The following IPP variants were observed in gnomAD, a reference collection of about 807,000 sequenced individuals.
IPP encodes intracisternal A particle-promoted polypeptide, also known as actin-binding protein IPP.
In IPP, 41 loss-of-function variants were observed where a neutral mutation model predicts 64.1. That is an observed-to-expected ratio of 0.64 (90% CI 0.50 to 0.83). The LOEUF is 0.83. Ranked by LOEUF, IPP falls within the 40% of genes least tolerant of loss-of-function variation. The pLI is 0.00. For missense variants in IPP, 649 were observed against 703.0 expected, an observed-to-expected ratio of 0.92 and a Z score of 0.87; for synonymous variants, 214 against 235.2, an observed-to-expected ratio of 0.91 and a Z score of 0.83.
chr1:45,709,809 G>T, intron 8 of IPP, among the ~76,000 whole-genome samples: 1 of 25,548 alleles, frequency 3.9e-5, no homozygotes, highest in South Asian at 1.9e-3. Flanking sequence ...CCTGGCGAAA[G>T]AGAGCAAGAC....
chr1:45,705,658 T>C (rs1353753500), intron 8 of IPP, among the ~76,000 whole-genome samples: 1 of 151,934 alleles, frequency 6.6e-6, no homozygotes, highest in Non-Finnish European at 1.5e-5. Context: ...ATACAAAAAT[T>C]AGCTGGGCGT....
In IPP at chr1:45,699,022, C is replaced by G. The variant is rs1398367289; in HGVS notation, c.*944G>C. 3 of 985,186 alleles carry G rather than the reference C, an allele frequency of 3.0e-6. No individual in the cohort carries two copies. In the East Asian group the frequency reaches 3.4e-4, roughly 112 times the overall value. 61.0% of individuals were successfully genotyped at this position (985,186 alleles called of 1,614,324 possible). On this transcript the variant is annotated 3_prime_UTR_variant, in exon 9 of 9. Transcript: ENST00000396478. ...GATTACAGGTGTGAGCCACCATGCC[C>G]AGCCTAAAAAAGGGAGAAATTTCTA...
At chr1:45,734,247 T>C (rs1313548088) in intron 3 of IPP, among the ~76,000 whole-genome samples, 1 of 152,162 alleles carries the variant, frequency 6.6e-6, no homozygotes, top group Non-Finnish European at 1.5e-5. Context: ...ATTCTTTTAA[T>C]GATTTTCATC....
chr1:45,740,747 A>G (rs985165728), intron 3 of IPP, among the ~76,000 whole-genome samples, 154 bp downstream of exon 3: 1 of 152,220 alleles, frequency 6.6e-6, no homozygotes, highest in African/African-American at 2.4e-5. Context: ...GTTGTATCTT[A>G]ATCATTCAAT....
At chr1:45,747,517 G>A (rs960658527) in intron 1 of IPP, among the ~76,000 whole-genome samples, 2 of 152,006 alleles carry the variant, frequency 1.3e-5, no homozygotes, top group African/African-American at 4.8e-5. Flanking sequence ...CACCGGACAC[G>A]TTCTAAATTA....
intron 1 of IPP, among the ~76,000 whole-genome samples, chr1:45,748,598 G>A (rs1274319462): frequency 6.6e-6 from 1 of 152,218 alleles, no homozygotes; most frequent in Non-Finnish European, 1.5e-5. Context: ...CCTGAGCCAG[G>A]GAAGTCCAGG....
chr1:45,729,158 AAAG>A (rs1026063379), intron 4 of IPP, among the ~76,000 whole-genome samples: 45 of 151,630 alleles, frequency 3.0e-4, no homozygotes, highest in Admixed American at 1.1e-3. Context: ...AAAAAAAAAA[AAAG>A]AAGAAGTTGT....
intron 3 of IPP, 151 bp downstream of exon 3, chr1:45,740,750 C>G: frequency 1.9e-6 from 1 of 530,486 alleles, no homozygotes; most frequent in Non-Finnish European, 3.3e-6. Flanking sequence ...GTATCTTAAT[C>G]ATTCAATACA....
downstream of IPP, chr1:45,694,749 C>G (rs1228509044): frequency 7.3e-6 from 3 of 408,734 alleles, no homozygotes; most frequent in Non-Finnish European, 1.3e-5. Context: ...TGTCCCTTAC[C>G]ACCAAACACA....
intron 5 of IPP, among the ~76,000 whole-genome samples, chr1:45,724,534 G>A (rs1443742552): frequency 3.1e-4 from 46 of 150,108 alleles, no homozygotes; most frequent in African/African-American, 1.0e-3. Flanking sequence ...AGGAAGCGAG[G>A]AGCGCCTCTT....
At chr1:45,696,262 T>G (rs1645387359), downstream of IPP, among the ~76,000 whole-genome samples, 1 of 152,196 alleles carries the variant, frequency 6.6e-6, no homozygotes, top group Non-Finnish European at 1.5e-5. Context: ...GGCAGGATAC[T>G]TAGAAGCATA....
downstream of IPP, chr1:45,698,563 C>T: frequency 2.4e-6 from 1 of 423,130 alleles, no homozygotes. Context: ...CCCTCTACAT[C>T]CAAGCAGTAG....
intron 8 of IPP, among the ~76,000 whole-genome samples, chr1:45,710,243 AG>A (rs1481315457): frequency 1.8e-5 from 2 of 112,810 alleles, no homozygotes; most frequent in African/African-American, 6.6e-5. Context: ...AAAAAAAAAG[AG>A]AGAAGCTCTT....
chr1:45,736,056 A>G (rs28412451), intron 3 of IPP, among the ~76,000 whole-genome samples: 27,673 of 150,704 alleles, frequency 0.18, 2,930 homozygotes, highest in Non-Finnish European at 0.24. Flanking sequence ...GGTTGCAGTG[A>G]GCCGAAATCA....
chr1:45,728,039 T>C (rs1645855282), intron 4 of IPP, among the ~76,000 whole-genome samples: 3 of 152,138 alleles, frequency 2.0e-5, no homozygotes, highest in Admixed American at 1.3e-4. Flanking sequence ...GAAATATAAA[T>C]CTAGGCACTG....
chr1:45,696,449 C>T (rs1008761344), downstream of IPP, among the ~76,000 whole-genome samples: 12 of 152,106 alleles, frequency 7.9e-5, no homozygotes, highest in Non-Finnish European at 1.5e-5. Context: ...TACAAAGAAA[C>T]AAAAAAACTA....
chr1:45,725,952 G>A (rs1246517224), intron 5 of IPP, among the ~76,000 whole-genome samples: 3 of 120,192 alleles, frequency 2.5e-5, no homozygotes, highest in Non-Finnish European at 3.7e-5. Context: ...CAAACACTGC[G>A]GAAGGCCGCA....
At chr1:45,706,531 C>A (rs1030547824) in intron 8 of IPP, among the ~76,000 whole-genome samples, 1 of 152,172 alleles carries the variant, frequency 6.6e-6, no homozygotes, top group Non-Finnish European at 1.5e-5. Flanking sequence ...CTCACTGCAA[C>A]CTCTGCCTTC....
rs1645415904 is a variant in IPP at position 45,699,085 on chromosome 1, A to C, written c.*881T>G. 1.0e-6 allele frequency: 1 copy of C among 985,234 alleles called. No homozygotes were observed. The allele number at this position is 985,234 out of a possible 1,614,324, so 61.0% of individuals were successfully genotyped here. ...CTGCTGGACTGTATAGCCCATTACAACATCTGGTCACTAAGAACCTCCTAT... is the reference window on the plus strand; with the variant it reads ...CTGCTGGACTGTATAGCCCATTACACCATCTGGTCACTAAGAACCTCCTAT... On this transcript the variant is annotated 3_prime_UTR_variant, in exon 9 of 9. Transcript: ENST00000396478.
Sources: allele counts gnomAD v4.1 joint callset (sites outside exome capture counted in the v4.1 genomes callset), GRCh38; gene constraint gnomAD v4.1.1; transcripts MANE v1.5; gene names NCBI Gene and HGNC (gene_info 2026-07-23, HGNC 2026-07-21).